Variants in DIAPH3 observed in about 807,000 individuals in gnomAD.
DIAPH3 encodes protein diaphanous homolog 3.
A neutral mutation model predicts 144.3 loss-of-function variants in DIAPH3; 117 were observed. The observed-to-expected ratio is 0.81, with a 90% confidence interval of 0.70 to 0.95. The LOEUF (loss-of-function observed/expected upper bound fraction) is 0.95, where lower values mean the gene tolerates loss of function less well. Among genes scored for constraint, DIAPH3 ranks in the 40% least tolerant of loss-of-function variants. DIAPH3 has a pLI of 0.00. For missense variants in DIAPH3, 1,421 were observed against 1,412.7 expected (o/e 1.01, Z -0.09); for synonymous variants, 519 against 488.9 (o/e 1.06, Z -0.81).
intron 4 of DIAPH3, among the ~76,000 whole-genome samples, chr13:60,044,746 G>C (rs1363733159): frequency 6.6e-6 from 1 of 152,080 alleles, no homozygotes; most frequent in Non-Finnish European, 1.5e-5. Context: ...GATATGGTTT[G>C]GCTGTGTCCC....
intron 14 of DIAPH3, among the ~76,000 whole-genome samples, chr13:59,978,732 C>G (rs146207433): frequency 1.2e-4 from 18 of 151,656 alleles, no homozygotes; most frequent in African/African-American, 4.1e-4. Flanking sequence ...TAAAAGCACA[C>G]CTTATAAAAA....
intron 20 of DIAPH3, among the ~76,000 whole-genome samples, chr13:59,907,629 C>G (rs1447358520): frequency 6.6e-6 from 1 of 152,302 alleles, no homozygotes; most frequent in East Asian, 1.9e-4. Context: ...TACTTTACCC[C>G]ACTCATGGAT....
chr13:60,022,295 T>C (rs889124669), intron 5 of DIAPH3, among the ~76,000 whole-genome samples: 1 of 152,168 alleles, frequency 6.6e-6, no homozygotes, highest in African/African-American at 2.4e-5. Context: ...AAAACAAGCG[T>C]CCTGAAAGCA....
Position 59,666,722 on chromosome 13 carries a change from C to A in DIAPH3, c.3444G>T (p.Arg1148Ser). Reference protein sequence around the residue: ...YNLDTHTSTGRIKAAEKKEAC... With the variant: ...YNLDTHTSTGSIKAAEKKEAC... ...CTTCCTTCTTCTCAGCTGCCTTGAT[C>A]CTCCCAGTAGACGTATGAGTGTCTA... The change falls in exon 28 of 28, where the codon AGG (arginine) becomes AGT (serine). Residue 1148 changes from arginine (R) to serine (S), a missense_variant. Transcript: ENST00000400324. 2 of 1,614,098 alleles carry A rather than the reference C, an allele frequency of 1.2e-6. No homozygotes were observed. The highest frequency in any genetic ancestry group is 1.7e-6 in the Non-Finnish European group (2 of 1,180,002).
chr13:59,756,409 A>AAAGGAAGGAAAGAAGGAAGG (rs2037261319), intron 27 of DIAPH3, among the ~76,000 whole-genome samples: 1 of 137,544 alleles, frequency 7.3e-6, no homozygotes, highest in Non-Finnish European at 1.5e-5. Flanking sequence ...AATTTAGTAA[A>AAAGGAAGGAAAGAAGGAAGG]AAGGAAGGAA....
Position 59,774,191 on chromosome 13 carries a change from T to C in DIAPH3, c.3317A>G (p.His1106Arg), listed in dbSNP as rs1390642634. ...AATTTATAAATACGGTTTATTACCA[T>C]GGTTACAAACTTTCAGAACAGGCCT... Reference protein sequence around the residue: ...SQRPVLKVCNHENQKVQLTEG... With the variant: ...SQRPVLKVCNRENQKVQLTEG... The change falls in exon 27 of 28, where the codon CAT (histidine) becomes CGT (arginine). Residue 1106 changes from histidine (H) to arginine (R), a missense_variant and splice_region_variant. Physicochemically the swap from His to Arg is conservative, Grantham distance 29. Transcript: ENST00000400324. 6.2e-7 allele frequency: 1 copy of C among 1,613,032 alleles called. No individual in the cohort carries two copies. The highest frequency in any genetic ancestry group is 8.5e-7 in the Non-Finnish European group (1 of 1,179,678).
intron 20 of DIAPH3, among the ~76,000 whole-genome samples, chr13:59,897,638 C>T (rs935400462): frequency 4.0e-5 from 6 of 151,596 alleles, no homozygotes; most frequent in African/African-American, 1.5e-4. Flanking sequence ...ATTGCAGCTA[C>T]TCGTGAGGCT....
intron 22 of DIAPH3, among the ~76,000 whole-genome samples, chr13:59,854,826 T>C (rs2043174052): frequency 6.6e-6 from 1 of 152,156 alleles, no homozygotes; most frequent in Non-Finnish European, 1.5e-5. Flanking sequence ...CACTGTAAAC[T>C]GTTAGTTTCT....
chr13:59,989,857 C>A (rs1200516642), intron 12 of DIAPH3, among the ~76,000 whole-genome samples: 1 of 151,878 alleles, frequency 6.6e-6, no homozygotes, highest in African/African-American at 2.4e-5. Flanking sequence ...CCATTGAAAA[C>A]AAACAACAGT....
chr13:59,838,141 T>C (rs1373290775), intron 23 of DIAPH3: 1 of 152,144 alleles, frequency 6.6e-6, no homozygotes, highest in Non-Finnish European at 1.5e-5. Context: ...AAGTGAGTTA[T>C]CTTTCATACA....
At chr13:59,834,790 T>C (rs1019274692) in intron 23 of DIAPH3, among the ~76,000 whole-genome samples, 1 of 151,792 alleles carries the variant, frequency 6.6e-6, no homozygotes, top group African/African-American at 2.4e-5. Flanking sequence ...AAATTCATTA[T>C]AAAAATATTG....
At chr13:59,989,267 T>C (rs888196349) in intron 12 of DIAPH3, among the ~76,000 whole-genome samples, 4 of 151,814 alleles carry the variant, frequency 2.6e-5, no homozygotes, top group Non-Finnish European at 4.4e-5. Flanking sequence ...TAAGTTTTAC[T>C]GTATGTAAAT....
At chr13:59,685,851 T>A (rs1469459038) in intron 27 of DIAPH3, among the ~76,000 whole-genome samples, 3 of 152,138 alleles carry the variant, frequency 2.0e-5, no homozygotes, top group Admixed American at 6.6e-5. Context: ...GTTCTATTGA[T>A]CATAAATCTT....
chr13:60,038,217 T>C (rs2055371228), intron 5 of DIAPH3, among the ~76,000 whole-genome samples: 1 of 152,106 alleles, frequency 6.6e-6, no homozygotes, highest in Non-Finnish European at 1.5e-5. Flanking sequence ...GCCTCATTAG[T>C]AGGCAAGGAG....
intron 20 of DIAPH3, among the ~76,000 whole-genome samples, chr13:59,880,035 A>G (rs923221579): frequency 4.6e-5 from 7 of 152,184 alleles, no homozygotes; most frequent in African/African-American, 1.7e-4. Flanking sequence ...GACACATACT[A>G]AATTAGCAGA....
intron 17 of DIAPH3, among the ~76,000 whole-genome samples, chr13:59,940,505 C>T (rs966996667): frequency 1.3e-5 from 2 of 152,178 alleles, no homozygotes; most frequent in Non-Finnish European, 2.9e-5. Context: ...GACTCTGGCT[C>T]ATGTCAAAAT....
At chr13:60,127,429 T>C (rs1263157461) in intron 2 of DIAPH3, among the ~76,000 whole-genome samples, 2 of 152,066 alleles carry the variant, frequency 1.3e-5, no homozygotes, top group Non-Finnish European at 1.5e-5. Flanking sequence ...TTAGTAATTG[T>C]GGGAAACAAT....
intron 5 of DIAPH3, chr13:60,034,478 C>T (rs1212247346): frequency 2.0e-5 from 3 of 152,170 alleles, no homozygotes; most frequent in Admixed American, 2.0e-4. Flanking sequence ...GGCAGGGACT[C>T]ACTGTGTTGC....
chr13:59,966,562 A>G (rs2050061106), intron 17 of DIAPH3, among the ~76,000 whole-genome samples: 1 of 152,146 alleles, frequency 6.6e-6, no homozygotes, highest in Non-Finnish European at 1.5e-5. Context: ...TAGACCTGTA[A>G]ATCCCAGTAG....
Sources: gnomAD v4.1 joint callset for allele counts (sites outside exome capture counted in the v4.1 genomes callset) on GRCh38, gnomAD v4.1.1 for gene constraint, MANE v1.5 for transcripts, NCBI Gene and HGNC (gene_info 2026-07-23, HGNC 2026-07-21) for gene names.